The following PRKAR2A variants were observed in gnomAD, a reference collection of about 807,000 sequenced individuals.
PRKAR2A encodes protein kinase cAMP-dependent type II regulatory subunit alpha, also known as cAMP-dependent protein kinase type II-alpha regulatory subunit.
In PRKAR2A, 29 loss-of-function variants were observed where a neutral mutation model predicts 51.9. The observed-to-expected ratio is 0.56, with a 90% CI of 0.42 to 0.76. The LOEUF (loss-of-function observed/expected upper bound fraction) is 0.76, where lower values mean the gene tolerates loss of function less well. PRKAR2A is among the 30% of genes least tolerant of loss of function. PRKAR2A has a pLI of 0.00. For missense variants in PRKAR2A, 445 were observed against 512.1 expected (o/e 0.87, Z 1.26); for synonymous variants, 178 against 186.2 (o/e 0.96, Z 0.36).
At chr3:48,829,679 T>C (rs1337975162) in intron 1 of PRKAR2A, among the ~76,000 whole-genome samples, 1 of 129,226 alleles carries the variant, frequency 7.7e-6, no homozygotes, top group African/African-American at 3.1e-5. Flanking sequence ...CACACATAAA[T>C]GTGTGTGTGT....
At chr3:48,769,478 G>T (rs969304005) in intron 6 of PRKAR2A, among the ~76,000 whole-genome samples, 1 of 149,708 alleles carries the variant, frequency 6.7e-6, no homozygotes, top group Non-Finnish European at 1.5e-5. Context: ...CTCTTACAGC[G>T]ACTTTTTTTT....
chr3:48,799,514 A>G (rs546727541), intron 2 of PRKAR2A, among the ~76,000 whole-genome samples: 3 of 152,360 alleles, frequency 2.0e-5, no homozygotes, highest in African/African-American at 7.2e-5. Context: ...ATTTTAAGCA[A>G]TACTTAGTAA....
chr3:48,834,006 G>C (rs995225201), intron 1 of PRKAR2A, among the ~76,000 whole-genome samples: 7 of 149,360 alleles, frequency 4.7e-5, no homozygotes, highest in Non-Finnish European at 8.9e-5. Context: ...CTCCACTCCA[G>C]GCTGGGCAAC....
chr3:48,794,567 C>T lies in PRKAR2A; in HGVS notation c.299-518G>A, dbSNP rs569466798. Among the ~76,000 whole-genome samples the T allele has an allele frequency of 7.9e-4, 120 of 151,722 alleles. 1 individual carries two copies. The highest frequency in any genetic ancestry group is 2.7e-3 in the African/African-American group (110 of 41,418). On this transcript the variant is annotated intron_variant, in intron 2 of 10. Transcript: ENST00000265563. The stretch of plus-strand genomic sequence containing the variant: ...AAAATTAGCTGGGCGTGGTGGTGTG[C>T]GCCTGTAGTCCCAGCTACTCGGGAG...
intron 1 of PRKAR2A, among the ~76,000 whole-genome samples, chr3:48,812,208 A>T (rs2082784501): frequency 6.6e-6 from 1 of 152,210 alleles, no homozygotes; most frequent in African/African-American, 2.4e-5. Context: ...GAAGGAAAAG[A>T]AACAAAGAGA....
intron 5 of PRKAR2A, among the ~76,000 whole-genome samples, chr3:48,782,344 G>A (rs2082212881): frequency 6.6e-6 from 1 of 152,104 alleles, no homozygotes; most frequent in Non-Finnish European, 1.5e-5. Context: ...TAGTACCATG[G>A]CTAATTCTTC....
rs2107480679 is a variant in PRKAR2A, at chr3:48,847,263, T to C, written c.262+72A>G. 6.5e-7 allele frequency: 1 copy of C among 1,534,462 alleles called. No homozygotes were observed. Among genetic ancestry groups the C allele is most frequent in the Non-Finnish European group, 8.8e-7 (1 of 1,135,244 alleles). ...GTCGGCTTGGCTGCGGCGCGACACC[T>C]GGCTCCCTGCCACCCCTCTAGACCT... On this transcript the variant is annotated intron_variant, in intron 1 of 10. Coordinates refer to ENST00000265563, the MANE Select transcript of PRKAR2A (RefSeq NM_004157.4). This position sits in a 1 kb window ranked among gnomAD's most constrained non-coding sequence, Gnocchi z 4.4.
intron 1 of PRKAR2A, among the ~76,000 whole-genome samples, chr3:48,829,629 TAC>T (rs1225188638): frequency 6.5e-5 from 9 of 137,496 alleles, no homozygotes; most frequent in Non-Finnish European, 1.3e-4. Context: ...TACGTGTGTA[TAC>T]ACACACATAA....
chr3:48,783,679 C>G (rs1347153811), intron 4 of PRKAR2A, among the ~76,000 whole-genome samples: 5 of 152,184 alleles, frequency 3.3e-5, no homozygotes, highest in Non-Finnish European at 7.3e-5. Flanking sequence ...CTCCCGAGTT[C>G]AAGCGATTCT....
intron 8 of PRKAR2A, among the ~76,000 whole-genome samples, chr3:48,758,080 GCATA>G (rs566841574): frequency 5.3e-5 from 8 of 150,682 alleles, no homozygotes; most frequent in South Asian, 2.1e-4. Flanking sequence ...ATACATACAT[GCATA>G]CATACATACA....
intron 8 of PRKAR2A, among the ~76,000 whole-genome samples, chr3:48,757,699 G>C (rs2081794161): frequency 6.6e-6 from 1 of 152,098 alleles, no homozygotes; most frequent in African/African-American, 2.4e-5. Context: ...GAGGGGGGTG[G>C]ATTGCTTGAG....
intron 6 of PRKAR2A, among the ~76,000 whole-genome samples, chr3:48,768,886 G>A (rs1224791900): frequency 6.6e-6 from 1 of 151,902 alleles, no homozygotes; most frequent in African/African-American, 2.4e-5. Context: ...ATCACTTGAG[G>A]TCAGGAGTTC....
chr3:48,826,773 A>G (rs562512522), intron 1 of PRKAR2A, among the ~76,000 whole-genome samples: 1 of 152,246 alleles, frequency 6.6e-6, no homozygotes, highest in East Asian at 1.9e-4. Flanking sequence ...CAAAGGTTTT[A>G]GACACATTAT....
chr3:48,795,378 G>GA (rs545292165), intron 2 of PRKAR2A, among the ~76,000 whole-genome samples: 502 of 151,680 alleles, frequency 3.3e-3, no homozygotes, highest in African/African-American at 0.011. Context: ...GAAGTACAAA[G>GA]AAAAAAAACC....
At chr3:48,793,886 G>T in intron 3 of PRKAR2A, 111 bp downstream of exon 3, 1 of 904,062 alleles carries the variant, frequency 1.1e-6, no homozygotes, top group Non-Finnish European at 1.8e-6. Flanking sequence ...TCACTTCAGT[G>T]ATATTTTAAT....
intron 5 of PRKAR2A, among the ~76,000 whole-genome samples, chr3:48,773,713 C>CT (rs201940511): frequency 6.6e-6 from 1 of 151,530 alleles, no homozygotes. Flanking sequence ...ATGCCCCTTC[C>CT]TTTTTTTCCC....
rs2083477879 is a variant in PRKAR2A at position 48,847,185 on chromosome 3, G to C, written c.262+150C>G. ...GTGGCGCACGCGGGCTCACGCCGGTGTCTCAGGGAAACGCTAGAAACGCGG... is the reference window on the plus strand; with the variant it reads ...GTGGCGCACGCGGGCTCACGCCGGTCTCTCAGGGAAACGCTAGAAACGCGG... On this transcript the variant is annotated intron_variant, in intron 1 of 10. Coordinates refer to ENST00000265563, the MANE Select transcript of PRKAR2A (RefSeq NM_004157.4). This position sits in a 1 kb window ranked among gnomAD's most constrained non-coding sequence, Gnocchi z 4.4. The C allele has an allele frequency of 9.8e-7, 1 of 1,016,940 alleles. No homozygotes were observed. The highest frequency in any genetic ancestry group is 3.0e-5 in the Admixed American group (1 of 33,306). 63.0% of individuals were successfully genotyped at this position (1,016,940 alleles called of 1,614,324 possible).
intron 9 of PRKAR2A, among the ~76,000 whole-genome samples, chr3:48,755,780 C>CT (rs1160883747): frequency 0.022 from 2,890 of 133,476 alleles, 44 homozygotes; most frequent in Non-Finnish European, 0.029. Context: ...CCCCCATTTC[C>CT]TTTTTTTTTT....
intron 6 of PRKAR2A, among the ~76,000 whole-genome samples, chr3:48,765,724 C>CAAAAAAAAA (rs756566818): frequency 2.4e-4 from 11 of 45,228 alleles, no homozygotes; most frequent in Admixed American, 1.0e-3. Context: ...ACCCTCATTT[C>CAAAAAAAAA]AAAAAAAAAA....
Sources: gnomAD v4.1 joint callset for allele counts (sites outside exome capture counted in the v4.1 genomes callset) on GRCh38, gnomAD v4.1.1 for gene constraint, Gnocchi (gnomAD v3.1) non-coding constraint, MANE v1.5 for transcripts, NCBI Gene and HGNC (gene_info 2026-07-23, HGNC 2026-07-21) for gene names.